The following RGS7 variants were observed in gnomAD, a reference collection of about 807,000 sequenced individuals.
RGS7 encodes the protein regulator of G-protein signaling 7.
In RGS7, 27 loss-of-function variants were observed where a neutral mutation model predicts 81.1. The ratio of observed to expected loss-of-function variants is 0.33; its 90% CI spans 0.25 to 0.46. RGS7 has a LOEUF of 0.46. RGS7 is among the 20% of genes least tolerant of loss of function. The pLI, the probability that RGS7 is intolerant of heterozygous loss-of-function variation, is 1.00. For missense variants in RGS7, 396 were observed against 607.4 expected (o/e 0.65, Z 3.66); for synonymous variants, 208 against 207.7 (o/e 1.00, Z -0.01).
At chr1:241,187,480 T>C (rs1027608646) in intron 2 of RGS7, among the ~76,000 whole-genome samples, 17 of 152,196 alleles carry the variant, frequency 1.1e-4, no homozygotes, top group African/African-American at 4.1e-4. Flanking sequence ...TAAATATCAG[T>C]ATAAAAGTAT....
intron 2 of RGS7, among the ~76,000 whole-genome samples, chr1:241,233,698 T>C (rs190133564): frequency 7.6e-4 from 115 of 152,304 alleles, no homozygotes; most frequent in African/African-American, 2.7e-3. Flanking sequence ...GCAAAGTACA[T>C]GTGAGTGAGG....
intron 2 of RGS7, among the ~76,000 whole-genome samples, chr1:241,261,247 C>A (rs1421110799): frequency 6.6e-6 from 1 of 152,084 alleles, no homozygotes; most frequent in South Asian, 2.1e-4. Context: ...GCAGTAGCCT[C>A]GGAGTGTCTT....
At chr1:241,235,662 CTCTTTCTCTCTCTCTT>C (rs1220575965) in intron 2 of RGS7, among the ~76,000 whole-genome samples, 50 of 79,150 alleles carry the variant, frequency 6.3e-4, no homozygotes, top group African/African-American at 1.4e-3. Flanking sequence ...CTCTTTCTTT[CTCTTTCTCTCTCTCTT>C]TCTTTCTCTC....
At chr1:241,025,046 C>G (rs1440989478) in intron 3 of RGS7, among the ~76,000 whole-genome samples, 1 of 152,174 alleles carries the variant, frequency 6.6e-6, no homozygotes, top group Non-Finnish European at 1.5e-5. Context: ...CTTTCTGCCT[C>G]CATTATGAAG....
chr1:240,805,638 T>C (rs1688717039), intron 15 of RGS7, among the ~76,000 whole-genome samples: 1 of 152,270 alleles, frequency 6.6e-6, no homozygotes, highest in Admixed American at 6.5e-5. Context: ...ATCTAATGTT[T>C]GATTTTTTTT....
intron 3 of RGS7, among the ~76,000 whole-genome samples, chr1:241,021,867 G>A (rs530703008): frequency 2.0e-4 from 31 of 152,252 alleles, no homozygotes; most frequent in Non-Finnish European, 4.4e-5. Context: ...TACCAATATA[G>A]GAGAATGTGT....
intron 2 of RGS7, among the ~76,000 whole-genome samples, chr1:241,142,497 C>A (rs1460340919): frequency 2.0e-5 from 3 of 152,202 alleles, no homozygotes; most frequent in Non-Finnish European, 2.9e-5. Flanking sequence ...AGGCTGAACA[C>A]CATGTGGAAG....
intron 2 of RGS7, among the ~76,000 whole-genome samples, chr1:241,338,340 C>A (rs1185639200): frequency 6.6e-6 from 1 of 152,236 alleles, no homozygotes; most frequent in East Asian, 1.9e-4. Context: ...CTATCCAGTA[C>A]TGGCCTATCT....
rs1330045149 is a variant in RGS7, at chr1:241,306,370, C to T, written c.78+49329G>A. 4.0e-5 allele frequency among the ~76,000 whole-genome samples: 6 copies of T among 151,690 alleles called. No homozygotes were observed. The East Asian group carries it at 9.7e-4, about 24-fold the overall frequency. On this transcript the variant is annotated intron_variant, in intron 2 of 18. Coordinates refer to ENST00000440928, the MANE Select transcript of RGS7 (RefSeq NM_001364886.1). ...ATGTACATATACACACATGTCCACA[C>T]ACACGCACACACCCTTACACCCTTA...
At chr1:241,004,907 CTG>C (rs2058605389) in intron 3 of RGS7, among the ~76,000 whole-genome samples, 1 of 152,174 alleles carries the variant, frequency 6.6e-6, no homozygotes, top group Non-Finnish European at 1.5e-5. Flanking sequence ...ATTCTAGTCT[CTG>C]GGGAGAATGG....
chr1:241,310,486 TGTGA>T (rs1018186310), intron 2 of RGS7, among the ~76,000 whole-genome samples: 6 of 44,520 alleles, frequency 1.3e-4, no homozygotes, highest in Non-Finnish European at 3.5e-4. Context: ...TGTGTCTGTG[TGTGA>T]GTGAGCGTGT....
At chr1:241,048,093 C>T (rs1284697004) in intron 3 of RGS7, among the ~76,000 whole-genome samples, 2 of 151,154 alleles carry the variant, frequency 1.3e-5, no homozygotes, top group East Asian at 1.9e-4. Flanking sequence ...GTATGTATGG[C>T]GGGGTCACGG....
chr1:240,849,368 C>G (rs2147921565), intron 9 of RGS7, among the ~76,000 whole-genome samples: 1 of 152,308 alleles, frequency 6.6e-6, no homozygotes, highest in East Asian at 1.9e-4. Flanking sequence ...CAATTCAGAA[C>G]ACCTGGATTC....
At chr1:241,190,120 G>C (rs182802099) in intron 2 of RGS7, among the ~76,000 whole-genome samples, 22 of 151,986 alleles carry the variant, frequency 1.4e-4, no homozygotes, top group African/African-American at 4.8e-4. Context: ...AAATCAACTG[G>C]TCCTATCTGT....
chr1:241,308,739 G>A (rs1355272079), intron 2 of RGS7, among the ~76,000 whole-genome samples: 1 of 152,156 alleles, frequency 6.6e-6, no homozygotes, highest in Non-Finnish European at 1.5e-5. Flanking sequence ...TGAGTCTACT[G>A]TGCGGGGGGC....
At chr1:241,200,839 C>T (rs551971114) in intron 2 of RGS7, among the ~76,000 whole-genome samples, 2 of 152,318 alleles carry the variant, frequency 1.3e-5, no homozygotes, top group Admixed American at 1.3e-4. Context: ...TTAAATTTCT[C>T]ACTGCACTTT....
At chr1:241,129,439 G>C (rs1470021247) in intron 2 of RGS7, among the ~76,000 whole-genome samples, 2 of 134,326 alleles carry the variant, frequency 1.5e-5, no homozygotes, top group Non-Finnish European at 2.9e-5. Flanking sequence ...TCCCAGCCAC[G>C]ACATTATCAC....
chr1:241,355,959 T>C (rs1284108659), intron 1 of RGS7, 133 bp from the exon 2 acceptor site: 12 of 638,748 alleles, frequency 1.9e-5, no homozygotes, highest in South Asian at 5.3e-5. Context: ...ACACAGGACA[T>C]GGATTTTTTA....
chr1:241,300,092 G>A (rs1442575417), intron 2 of RGS7, among the ~76,000 whole-genome samples: 1 of 151,732 alleles, frequency 6.6e-6, no homozygotes, highest in Non-Finnish European at 1.5e-5. Flanking sequence ...TCCAACCTGG[G>A]TGATAGAGCA....
Sources: gnomAD v4.1 joint callset for allele counts (sites outside exome capture counted in the v4.1 genomes callset) on GRCh38, gnomAD v4.1.1 for gene constraint, MANE v1.5 for transcripts, NCBI Gene and HGNC (gene_info 2026-07-23, HGNC 2026-07-21) for gene names.